MGAT5: variants seen among roughly 807,000 people sequenced by gnomAD.
The protein encoded by MGAT5 is alpha-1,6-mannosylglycoprotein 6-beta-N-acetylglucosaminyltransferase.
In MGAT5, 30 loss-of-function variants were observed where a neutral mutation model predicts 94.3. The observed-to-expected ratio is 0.32, with a 90% CI of 0.24 to 0.43. The LOEUF (loss-of-function observed/expected upper bound fraction) is 0.43, where lower values mean the gene tolerates loss of function less well. Ranked by LOEUF, MGAT5 falls within the 20% of genes least tolerant of loss-of-function variation. The probability of loss-of-function intolerance (pLI) is 1.00; values close to 1 mark genes in which losing one functional copy is unlikely to be tolerated. For synonymous variants in MGAT5, 310 were observed against 322.9 expected, an observed-to-expected ratio of 0.96 and a Z score of 0.43; for missense variants, 691 against 905.5, an observed-to-expected ratio of 0.76 and a Z score of 3.04.
intron 1 of MGAT5, among the ~76,000 whole-genome samples, chr2:134,208,259 A>G (rs1680116863): frequency 6.6e-6 from 1 of 152,042 alleles, no homozygotes; most frequent in African/African-American, 2.4e-5. Context: ...TCCTGCATCA[A>G]CTCATTTATT....
intron 4 of MGAT5, among the ~76,000 whole-genome samples, chr2:134,332,773 A>G (rs1013011772): frequency 9.2e-5 from 14 of 152,252 alleles, no homozygotes; most frequent in Non-Finnish European, 1.3e-4. Flanking sequence ...AAGTGGGCGA[A>G]GGACATGAAC....
At chr2:134,334,527 T>TG (rs1688222441) in intron 4 of MGAT5, among the ~76,000 whole-genome samples, 2 of 46,292 alleles carry the variant, frequency 4.3e-5, no homozygotes, top group African/African-American at 7.4e-5. Context: ...TTTGCAGGGT[T>TG]GGGGGTGGGA....
intron 1 of MGAT5, among the ~76,000 whole-genome samples, chr2:134,165,661 G>T (rs1687935097): frequency 6.6e-6 from 1 of 152,146 alleles, no homozygotes; most frequent in Non-Finnish European, 1.5e-5. Context: ...TGTAGTCCCA[G>T]CTACTCGGGA....
intron 1 of MGAT5, among the ~76,000 whole-genome samples, chr2:134,172,607 C>T (rs112879761): frequency 0.29 from 43,361 of 151,984 alleles, 7,464 homozygotes; most frequent in African/African-American, 0.49. Context: ...AGGATGGTCT[C>T]GATCTCCTGA....
In MGAT5 at chr2:134,449,589, G is replaced by A. The variant is rs1685988821; in HGVS notation, c.*742G>A. 1 of 152,334 alleles carries A rather than the reference G, an allele frequency of 6.6e-6. No individual in the cohort carries two copies. Among genetic ancestry groups the A allele is most frequent in the Non-Finnish European group, 1.5e-5 (1 of 68,166 alleles). The allele number at this position is 152,334 out of a possible 1,614,324, so 9.4% of individuals were successfully genotyped here. A position where few individuals can be genotyped will look rare whatever the true frequency, so the allele number is the denominator to read the frequency against. ...CCCAGCCAGGGACGAAAAAGGAGATGAGGCCCCTTTCCTCCATGTCCCCAT... is the reference window on the plus strand; with the variant it reads ...CCCAGCCAGGGACGAAAAAGGAGATAAGGCCCCTTTCCTCCATGTCCCCAT... On this transcript the variant is annotated 3_prime_UTR_variant, in exon 16 of 16. Coordinates refer to ENST00000281923, the MANE Select transcript of MGAT5 (RefSeq NM_002410.5).
At chr2:134,214,489 A>G (rs1056642261) in intron 1 of MGAT5, among the ~76,000 whole-genome samples, 2 of 152,072 alleles carry the variant, frequency 1.3e-5, no homozygotes, top group African/African-American at 4.8e-5. Flanking sequence ...ATGTTTTAAG[A>G]AAGTTTATCA....
chr2:134,334,654 C>G (rs1211421711), intron 4 of MGAT5, among the ~76,000 whole-genome samples: 1 of 152,012 alleles, frequency 6.6e-6, no homozygotes, highest in Non-Finnish European at 1.5e-5. Context: ...ATAATTCAAT[C>G]TGGCCTAAGA....
chr2:134,179,952 G>A (rs4954113), intron 1 of MGAT5, among the ~76,000 whole-genome samples: 22,360 of 152,100 alleles, frequency 0.15, 1,768 homozygotes, highest in Admixed American at 0.21. Flanking sequence ...AGGGACCTCT[G>A]GTCATCCTCA....
chr2:134,201,202 C>T lies in MGAT5; in HGVS notation c.-142-53060C>T, dbSNP rs567237632. Among the ~76,000 whole-genome samples the T allele has an allele frequency of 5.3e-5, 8 of 152,048 alleles. No homozygotes were observed. In the South Asian group the frequency reaches 1.2e-3, roughly 24 times the overall value. ...CTGTGGTCTTTGCCCTCTGGAGGGC[C>T]GCTTTGGTTTAGTTGAGACAGGTTG... On this transcript the variant is annotated intron_variant, in intron 1 of 16. Coordinates refer to the MGAT5 transcript ENST00000409645.
At chr2:134,122,558 G>A (rs1044692189) in intron 1 of MGAT5, among the ~76,000 whole-genome samples, 7 of 152,230 alleles carry the variant, frequency 4.6e-5, no homozygotes, top group African/African-American at 1.2e-4. Context: ...GGTGATGGAG[G>A]AGGGGCAAGA....
rs1313479138 is a variant in MGAT5 at position 134,338,283 on chromosome 2, A to G, written c.670A>G (p.Ile224Val). The G allele has an allele frequency of 1.9e-6, 3 of 1,606,222 alleles. No homozygotes were observed. Among genetic ancestry groups the G allele is most frequent in the South Asian group, 2.2e-5 (2 of 89,064 alleles). Residue 224 changes from isoleucine (I) to valine (V), a missense_variant, in exon 6 of 16, where the codon ATT becomes GTT. Transcript: ENST00000281923. Reference protein sequence around the residue: ...SLAEIRTDFNILYSMMKKHEE... With the variant: ...SLAEIRTDFNVLYSMMKKHEE... The stretch of plus-strand genomic sequence containing the variant: ...GGCGGAAATTCGTACAGATTTTAAT[A>G]TTCTCTACAGTATGATGAAAAAGCA...
chr2:134,306,134 T>A (rs1233615389), intron 2 of MGAT5, among the ~76,000 whole-genome samples: 1 of 152,174 alleles, frequency 6.6e-6, no homozygotes, highest in Non-Finnish European at 1.5e-5. Flanking sequence ...TGTAACTAAG[T>A]ACATATATGA....
intron 1 of MGAT5, among the ~76,000 whole-genome samples, chr2:134,139,638 G>T (rs1443978235): frequency 6.6e-6 from 1 of 152,126 alleles, no homozygotes; most frequent in East Asian, 1.9e-4. Flanking sequence ...GAAAAACCTC[G>T]CACAGTATCG....
intron 8 of MGAT5, among the ~76,000 whole-genome samples, 200 bp from the exon 9 acceptor site, chr2:134,349,605 T>C (rs935692099): frequency 6.6e-6 from 1 of 152,224 alleles, no homozygotes; most frequent in Non-Finnish European, 1.5e-5. Context: ...ATCTGCTGTG[T>C]GATGTCTCAG....
chr2:134,187,866 T>G (rs1221168846), intron 1 of MGAT5, among the ~76,000 whole-genome samples: 1 of 152,192 alleles, frequency 6.6e-6, no homozygotes, highest in East Asian at 1.9e-4. Context: ...TATTATCAAT[T>G]TAATAAAAAT....
intron 1 of MGAT5, among the ~76,000 whole-genome samples, chr2:134,182,030 C>T (rs978599056): frequency 2.6e-5 from 4 of 152,116 alleles, no homozygotes; most frequent in Non-Finnish European, 2.9e-5. Flanking sequence ...AAATGTAAAA[C>T]GGTGAAGAAG....
intron 10 of MGAT5, among the ~76,000 whole-genome samples, chr2:134,367,254 A>G (rs949337016): frequency 2.6e-5 from 4 of 152,238 alleles, no homozygotes; most frequent in African/African-American, 9.6e-5. Context: ...TATTGGGGCC[A>G]GATAGGAAAT....
intron 14 of MGAT5, among the ~76,000 whole-genome samples, chr2:134,432,696 C>T (rs968583289): frequency 6.6e-6 from 1 of 152,230 alleles, no homozygotes; most frequent in Admixed American, 6.5e-5. Flanking sequence ...CTTAGCTCTG[C>T]TTGTCACTGT....
At chr2:134,371,832 T>C (rs1052671498) in intron 10 of MGAT5, among the ~76,000 whole-genome samples, 1 of 152,030 alleles carries the variant, frequency 6.6e-6, no homozygotes, top group African/African-American at 2.4e-5. Context: ...GGAATAGCAT[T>C]GATGTGTTGG....
Sources: gnomAD v4.1 joint callset for allele counts (sites outside exome capture counted in the v4.1 genomes callset) on GRCh38, gnomAD v4.1.1 for gene constraint, MANE v1.5 for transcripts, NCBI Gene and HGNC (gene_info 2026-07-23, HGNC 2026-07-21) for gene names.